The following SUSD4 variants were observed in gnomAD, a reference collection of about 807,000 sequenced individuals.
The protein encoded by SUSD4 is sushi domain-containing protein 4.
Under a neutral mutation model 50.5 loss-of-function variants are expected in SUSD4, and 41 were observed. The observed-to-expected ratio is 0.81, with a 90% CI of 0.63 to 1.05. SUSD4 has a LOEUF of 1.05. Ranked by LOEUF, SUSD4 falls within the 50% of genes least tolerant of loss-of-function variation. SUSD4 has a pLI of 0.00. For missense variants in SUSD4, 580 were observed against 634.7 expected, an observed-to-expected ratio of 0.91 and a Z score of 0.93; for synonymous variants, 257 against 257.3, an observed-to-expected ratio of 1.00 and a Z score of 0.01.
intron 7 of SUSD4, among the ~76,000 whole-genome samples, chr1:223,224,805 T>C (rs1659390178): frequency 6.6e-6 from 1 of 150,408 alleles, no homozygotes; most frequent in African/African-American, 2.4e-5. Context: ...ACTCTGCTCC[T>C]GGCCTCAAGA....
At chr1:223,313,263 C>T (rs1187487879) in intron 2 of SUSD4, among the ~76,000 whole-genome samples, 1 of 152,008 alleles carries the variant, frequency 6.6e-6, no homozygotes, top group Non-Finnish European at 1.5e-5. Context: ...CAGATTGAGT[C>T]CAACCACGTG....
At chr1:223,289,476 T>C (rs1403457521) in intron 3 of SUSD4, among the ~76,000 whole-genome samples, 2 of 152,172 alleles carry the variant, frequency 1.3e-5, no homozygotes, top group South Asian at 2.1e-4. Flanking sequence ...AAGGGATCTG[T>C]GCGCACCCAA....
intron 2 of SUSD4, among the ~76,000 whole-genome samples, chr1:223,349,501 T>C (rs1174431154): frequency 6.6e-6 from 1 of 152,210 alleles, no homozygotes; most frequent in African/African-American, 2.4e-5. Context: ...TGGGAAATTC[T>C]GCAAATTTGA....
intron 2 of SUSD4, among the ~76,000 whole-genome samples, chr1:223,357,319 G>A (rs1488048474): frequency 1.3e-5 from 2 of 152,136 alleles, no homozygotes; most frequent in Non-Finnish European, 2.9e-5. Context: ...TCAGGGCAGG[G>A]GGTGTTCCAA....
chr1:223,359,750 A>G (rs1045003427), intron 2 of SUSD4, among the ~76,000 whole-genome samples: 1 of 152,190 alleles, frequency 6.6e-6, no homozygotes, highest in African/African-American at 2.4e-5. Context: ...AGAGGGTTAC[A>G]GCTAGTGCAA....
intron 2 of SUSD4, among the ~76,000 whole-genome samples, chr1:223,357,341 A>T (rs535924245): frequency 6.6e-6 from 1 of 152,310 alleles, no homozygotes; most frequent in African/African-American, 2.4e-5. Flanking sequence ...ATACTTGCTA[A>T]CTCAGCTTAA....
chr1:223,273,450 G>A (rs1663050946), intron 3 of SUSD4, among the ~76,000 whole-genome samples: 1 of 152,258 alleles, frequency 6.6e-6, no homozygotes, highest in Non-Finnish European at 1.5e-5. Context: ...CCCCTGGAAT[G>A]TCTGGCTTGA....
chr1:223,221,963 T>C lies in SUSD4; in HGVS notation c.*229A>G. 1 of 502,046 alleles carries C rather than the reference T, an allele frequency of 2.0e-6. No individual in the cohort carries two copies. Among genetic ancestry groups the C allele is most frequent in the East Asian group, 3.2e-5 (1 of 31,184 alleles). 31.1% of individuals were successfully genotyped at this position (502,046 alleles called of 1,614,324 possible). ...CAAGACCACGCGAGGGCTTCCCTGC[T>C]GCCCCGGTTCCCCATGGGTCTTGGT... On this transcript the variant is annotated 3_prime_UTR_variant, in exon 9 of 9. Coordinates refer to ENST00000366878, the MANE Select transcript of SUSD4 (RefSeq NM_017982.4).
chr1:223,330,595 T>A (rs980596370), intron 2 of SUSD4, among the ~76,000 whole-genome samples: 3 of 152,216 alleles, frequency 2.0e-5, no homozygotes, highest in Non-Finnish European at 4.4e-5. Context: ...CCATTTGTCT[T>A]AGTTACTGCT....
At chr1:223,238,092 G>T (rs1466378775) in intron 5 of SUSD4, among the ~76,000 whole-genome samples, 1 of 151,908 alleles carries the variant, frequency 6.6e-6, no homozygotes, top group African/African-American at 2.4e-5. Context: ...GTCTTTCAAG[G>T]ACTTGCTCCA....
chr1:223,264,544 C>G (rs1662345478), intron 5 of SUSD4, 86 bp downstream of exon 5: 1 of 1,553,752 alleles, frequency 6.4e-7, no homozygotes, highest in East Asian at 2.3e-5. Flanking sequence ...TATTGCCCAT[C>G]ATAATTCACA....
Position 223,229,181 on chromosome 1 carries a change from A to G in SUSD4, c.916+16T>C. 6.3e-7 allele frequency: 1 copy of G among 1,586,490 alleles called. No homozygotes were observed. Among genetic ancestry groups the G allele is most frequent in the Non-Finnish European group, 8.6e-7 (1 of 1,157,638 alleles). On this transcript the variant is annotated intron_variant, in intron 6 of 8. Coordinates refer to ENST00000366878, the MANE Select transcript of SUSD4 (RefSeq NM_017982.4). The surrounding 1 kb of genome is among the most constrained non-coding windows in gnomAD (Gnocchi z 4.7). Reference sequence around the variant, plus strand: ...GGAGGGTCCATCTCCTCCAAGGGTGAGGCCTTCAGTCTTACCTGATTTGAT... The same window carrying G: ...GGAGGGTCCATCTCCTCCAAGGGTGGGGCCTTCAGTCTTACCTGATTTGAT...
intron 2 of SUSD4, among the ~76,000 whole-genome samples, chr1:223,310,108 C>T (rs1025253374): frequency 6.6e-6 from 1 of 152,176 alleles, no homozygotes; most frequent in Non-Finnish European, 1.5e-5. Flanking sequence ...GTCCCATGGT[C>T]CTGGAGGGCC....
At chr1:223,329,215 T>C (rs766974442) in intron 2 of SUSD4, among the ~76,000 whole-genome samples, 26 of 152,302 alleles carry the variant, frequency 1.7e-4, no homozygotes, top group Admixed American at 1.1e-3. Context: ...GTATTGTATT[T>C]ATCATCATGG....
chr1:223,328,867 A>G (rs1667020176), intron 2 of SUSD4, among the ~76,000 whole-genome samples: 1 of 152,152 alleles, frequency 6.6e-6, no homozygotes, highest in Non-Finnish European at 1.5e-5. Flanking sequence ...TCCTGGCTGT[A>G]TTGTCCCTAC....
intron 3 of SUSD4, among the ~76,000 whole-genome samples, chr1:223,285,061 T>C (rs1468170094): frequency 6.6e-6 from 1 of 152,200 alleles, no homozygotes; most frequent in Non-Finnish European, 1.5e-5. Context: ...ATGATGGACA[T>C]GTGAATTGCC....
intron 2 of SUSD4, among the ~76,000 whole-genome samples, chr1:223,330,600 A>G (rs1667121054): frequency 6.6e-6 from 1 of 152,244 alleles, no homozygotes; most frequent in African/African-American, 2.4e-5. Flanking sequence ...TGTCTTAGTT[A>G]CTGCTTTTAA....
chr1:223,257,047 G>A (rs1248458818), intron 5 of SUSD4, among the ~76,000 whole-genome samples: 1 of 152,200 alleles, frequency 6.6e-6, no homozygotes, highest in Non-Finnish European at 1.5e-5. Context: ...ATCCAAAAAT[G>A]TCAAATGAAT....
At chr1:223,264,130 CA>C in intron 5 of SUSD4, 1 of 985,402 alleles carries the variant, frequency 1.0e-6, no homozygotes, top group Non-Finnish European at 1.2e-6. Context: ...TCGTGAATCA[CA>C]ATCTATAGTC....
Sources: gnomAD v4.1 joint callset for allele counts (sites outside exome capture counted in the v4.1 genomes callset) on GRCh38, gnomAD v4.1.1 for gene constraint, Gnocchi (gnomAD v3.1) non-coding constraint, MANE v1.5 for transcripts, NCBI Gene and HGNC (gene_info 2026-07-23, HGNC 2026-07-21) for gene names.